ADAMTS3: variants seen among roughly 807,000 people sequenced by gnomAD.
ADAMTS3 encodes ADAM metallopeptidase with thrombospondin type 1 motif 3.
A neutral mutation model predicts 129.0 loss-of-function variants in ADAMTS3; 73 were observed. The ratio of observed to expected loss-of-function variants is 0.57; its 90% CI spans 0.47 to 0.69. The LOEUF is 0.69. ADAMTS3 is among the 30% of genes least tolerant of loss of function. The pLI, the probability that ADAMTS3 is intolerant of heterozygous loss-of-function variation, is 0.00. For missense variants in ADAMTS3, 1,457 were observed against 1,514.5 expected (o/e 0.96, Z 0.63); for synonymous variants, 477 against 510.8 (o/e 0.93, Z 0.89).
At position 72,366,566 on chromosome 4, in the gene ADAMTS3, C is replaced by T. The variant is rs375054926; in HGVS notation, c.662-26873G>A. 1.3e-3 allele frequency among the ~76,000 whole-genome samples: 196 copies of T among 152,148 alleles called. 3 individuals are homozygous for T. The South Asian group carries it at 0.038, about 29-fold the overall frequency. On this transcript the variant is annotated intron_variant, in intron 4 of 21. Transcript: ENST00000286657. ...GTAAGCTCCCTTCACATTTAACATA[C>T]GCTGTTATTTAGAAAAATTATTATA...
At chr4:72,430,784 G>C (rs1722677999) in intron 3 of ADAMTS3, among the ~76,000 whole-genome samples, 2 of 148,584 alleles carry the variant, frequency 1.3e-5, no homozygotes, top group Admixed American at 6.7e-5. Flanking sequence ...GTGTGGTTAA[G>C]AAAGGGAAAG....
At chr4:72,333,188 A>G (rs1719895279) in intron 5 of ADAMTS3, among the ~76,000 whole-genome samples, 1 of 152,220 alleles carries the variant, frequency 6.6e-6, no homozygotes, top group Non-Finnish European at 1.5e-5. Context: ...AAATGTTAGT[A>G]GTGTAAGCCT....
chr4:72,423,518 C>T (rs1242529160), intron 3 of ADAMTS3, among the ~76,000 whole-genome samples: 1 of 152,048 alleles, frequency 6.6e-6, no homozygotes, highest in African/African-American at 2.4e-5. Context: ...TGTCTAATTC[C>T]ATTTACAATG....
intron 4 of ADAMTS3, among the ~76,000 whole-genome samples, chr4:72,348,827 G>A (rs956979588): frequency 3.3e-5 from 5 of 151,632 alleles, no homozygotes; most frequent in African/African-American, 1.2e-4. Flanking sequence ...CAGCCAGCAA[G>A]GAAATGAGGA....
At chr4:72,348,191 C>T (rs1194064831) in intron 4 of ADAMTS3, among the ~76,000 whole-genome samples, 5 of 151,960 alleles carry the variant, frequency 3.3e-5, no homozygotes, top group Admixed American at 3.3e-4. Context: ...GTTGCTTACC[C>T]TCATAGAACT....
At chr4:72,319,518 TG>T in intron 8 of ADAMTS3, 43 bp from the exon 9 acceptor site, 1 of 1,562,026 alleles carries the variant, frequency 6.4e-7, no homozygotes, top group East Asian at 2.3e-5. Context: ...CAGGGGCTAC[TG>T]CCTTCACTTA....
At chr4:72,409,766 G>T (rs1434552) in intron 4 of ADAMTS3, among the ~76,000 whole-genome samples, 101,725 of 151,934 alleles carry the variant, frequency 0.67, 34,675 homozygotes, top group South Asian at 0.8. Context: ...TATGTAATAA[G>T]TCAATCTTCA....
chr4:72,493,683 T>C (rs1420531045), intron 3 of ADAMTS3, among the ~76,000 whole-genome samples: 3 of 152,132 alleles, frequency 2.0e-5, no homozygotes, highest in Non-Finnish European at 4.4e-5. Context: ...GTTATATTTA[T>C]GCTTTCAAAT....
At chr4:72,405,614 T>C (rs923855966) in intron 4 of ADAMTS3, among the ~76,000 whole-genome samples, 1 of 152,124 alleles carries the variant, frequency 6.6e-6, no homozygotes, top group African/African-American at 2.4e-5. Flanking sequence ...GTCCTGTTTA[T>C]CATAAGTCTT....
intron 3 of ADAMTS3, among the ~76,000 whole-genome samples, chr4:72,469,544 G>T (rs925214449): frequency 6.6e-6 from 1 of 152,042 alleles, no homozygotes; most frequent in African/African-American, 2.4e-5. Context: ...TCCCCTTATT[G>T]CTATCTAATC....
chr4:72,373,436 G>A (rs1307914201), intron 4 of ADAMTS3, among the ~76,000 whole-genome samples: 1 of 152,122 alleles, frequency 6.6e-6, no homozygotes, highest in African/African-American at 2.4e-5. Context: ...TTATACAATG[G>A]ATTACTATTC....
chr4:72,542,763 C>T (rs1322695161), intron 3 of ADAMTS3, among the ~76,000 whole-genome samples: 9 of 152,104 alleles, frequency 5.9e-5, no homozygotes, highest in East Asian at 3.9e-4. Flanking sequence ...TTCAGACACT[C>T]CAAAATATCA....
At chr4:72,389,677 G>T (rs954800109) in intron 4 of ADAMTS3, among the ~76,000 whole-genome samples, 1 of 152,024 alleles carries the variant, frequency 6.6e-6, no homozygotes, top group Non-Finnish European at 1.5e-5. Context: ...GTCCACCAGC[G>T]TATGTCACAA....
chr4:72,297,831 C>T (rs946206959), intron 18 of ADAMTS3, among the ~76,000 whole-genome samples: 4 of 152,156 alleles, frequency 2.6e-5, no homozygotes, highest in African/African-American at 9.7e-5. Context: ...GCATTTAGAA[C>T]AGTATCTGGT....
chr4:72,440,504 A>G (rs536391443), intron 3 of ADAMTS3, among the ~76,000 whole-genome samples: 2 of 151,968 alleles, frequency 1.3e-5, no homozygotes, highest in Non-Finnish European at 2.9e-5. Flanking sequence ...TTAGCAATGC[A>G]TATGATGTTC....
intron 3 of ADAMTS3, among the ~76,000 whole-genome samples, chr4:72,539,883 G>C (rs1017165551): frequency 6.6e-6 from 1 of 152,118 alleles, no homozygotes; most frequent in Non-Finnish European, 1.5e-5. Flanking sequence ...ATGGAACTGT[G>C]AGTCCAATTA....
chr4:72,420,788 T>C lies in ADAMTS3; in HGVS notation c.505-5817A>G, dbSNP rs568871519. On this transcript the variant is annotated intron_variant, in intron 3 of 21. Transcript: ENST00000286657. ...TGAAGTTGGATGACTATGAAATTAA[T>C]GTTTTCATTCACAGAAACAGAAAAG... 1.1e-4 allele frequency among the ~76,000 whole-genome samples: 16 copies of C among 152,354 alleles called. No homozygotes were observed. The South Asian group carries it at 3.3e-3, about 32-fold the overall frequency.
Position 72,312,486 on chromosome 4 carries a change from TA to T in ADAMTS3, c.1746-21del, listed in dbSNP as rs773226039. On this transcript the variant is annotated intron_variant, in intron 12 of 21. Transcript: ENST00000286657. ...ATGGGCCTAAAGAAAAGACAACATT[TA>T]AAAAGGCCTTTTGGCTTCTGTCTAG... 836 of 1,611,216 alleles carry T rather than the reference TA, an allele frequency of 5.2e-4. 2 individuals are homozygous for T. The highest frequency in any genetic ancestry group is 5.8e-4 in the Non-Finnish European group (684 of 1,178,478).
intron 2 of ADAMTS3, among the ~76,000 whole-genome samples, chr4:72,549,299 AT>A (rs917972279): frequency 6.6e-6 from 1 of 152,080 alleles, no homozygotes; most frequent in Non-Finnish European, 1.5e-5. Context: ...GATTGTTTTC[AT>A]TTTTTCCCTG....
Sources: gnomAD v4.1 joint callset for allele counts (sites outside exome capture counted in the v4.1 genomes callset) on GRCh38, gnomAD v4.1.1 for gene constraint, MANE v1.5 for transcripts, NCBI Gene and HGNC (gene_info 2026-07-23, HGNC 2026-07-21) for gene names.